The following RCAN2 variants were observed in gnomAD, a reference collection of about 807,000 sequenced individuals.
RCAN2 encodes regulator of calcineurin 2, also known as calcipressin-2.
A neutral mutation model predicts 23.6 loss-of-function variants in RCAN2; 9 were observed. The observed-to-expected ratio is 0.38, with a 90% confidence interval of 0.23 to 0.67. The LOEUF is 0.67. Ranked by LOEUF, RCAN2 falls within the 30% of genes least tolerant of loss-of-function variation. The pLI, the probability that RCAN2 is intolerant of heterozygous loss-of-function variation, is 0.51. For synonymous variants in RCAN2, 109 were observed against 115.7 expected, an observed-to-expected ratio of 0.94 and a Z score of 0.37; for missense variants, 273 against 302.3, an observed-to-expected ratio of 0.90 and a Z score of 0.72.
intron 2 of RCAN2, among the ~76,000 whole-genome samples, chr6:46,429,166 C>A (rs958908894): frequency 2.0e-5 from 3 of 152,046 alleles, no homozygotes; most frequent in African/African-American, 4.8e-5. Flanking sequence ...AGTATAGAAA[C>A]CAGAGTCCTT....
At chr6:46,420,755 C>T (rs1294088343) in intron 2 of RCAN2, among the ~76,000 whole-genome samples, 1 of 151,952 alleles carries the variant, frequency 6.6e-6, no homozygotes, top group Non-Finnish European at 1.5e-5. Flanking sequence ...TCATGTTGGC[C>T]AGGCTGGTCT....
At chr6:46,317,756 C>T (rs970700372) in intron 2 of RCAN2, among the ~76,000 whole-genome samples, 8 of 152,170 alleles carry the variant, frequency 5.3e-5, no homozygotes, top group African/African-American at 1.2e-4. Context: ...TAAGGCACCG[C>T]GCCCGGCCTA....
intron 4 of RCAN2, among the ~76,000 whole-genome samples, chr6:46,229,477 C>CT (rs1171041730): frequency 2.6e-5 from 4 of 151,880 alleles, no homozygotes; most frequent in African/African-American, 9.7e-5. Context: ...TCTTTTTATT[C>CT]TTTTTTCTCT....
At chr6:46,351,475 C>A (rs1764644335) in intron 2 of RCAN2, among the ~76,000 whole-genome samples, 1 of 152,158 alleles carries the variant, frequency 6.6e-6, no homozygotes, top group South Asian at 2.1e-4. Flanking sequence ...GATTGTGTAG[C>A]AGGGATTTGA....
intron 2 of RCAN2, among the ~76,000 whole-genome samples, chr6:46,384,417 A>T (rs1765689815): frequency 6.6e-6 from 1 of 152,252 alleles, no homozygotes; most frequent in African/African-American, 2.4e-5. Context: ...ATCTTTCCGG[A>T]CAAAAAGTAA....
At chr6:46,314,124 G>A (rs1351467695) in intron 2 of RCAN2, among the ~76,000 whole-genome samples, 1 of 152,064 alleles carries the variant, frequency 6.6e-6, no homozygotes, top group African/African-American at 2.4e-5. Flanking sequence ...CAGTTTGGGA[G>A]GCTGAGGTAG....
intron 2 of RCAN2, among the ~76,000 whole-genome samples, chr6:46,304,129 T>C (rs536908747): frequency 4.6e-5 from 7 of 152,302 alleles, no homozygotes; most frequent in Non-Finnish European, 7.4e-5. Flanking sequence ...TTTTTGCTTC[T>C]AGCCACCCTG....
intron 2 of RCAN2, 61 bp from the exon 3 acceptor site, chr6:46,248,957 A>G (rs1321589112): frequency 8.2e-7 from 1 of 1,212,326 alleles, no homozygotes; most frequent in Admixed American, 2.4e-5. Context: ...GTATGATGTC[A>G]TATCTGATAA....
rs575933716 is a variant in RCAN2 at position 46,315,476 on chromosome 6, G to C, written c.226-66580C>G. On this transcript the variant is annotated intron_variant, in intron 2 of 4. Transcript: ENST00000371374. The stretch of plus-strand genomic sequence containing the variant: ...GAGCAAGCCATGTAGGCTCCAGAAG[G>C]AAGAAGATTCCAGGTAGAGGGCACA... Among the ~76,000 whole-genome samples, 7 of 152,192 alleles carry C rather than the reference G, an allele frequency of 4.6e-5. No individual in the cohort carries two copies. In the East Asian group the frequency reaches 9.8e-4, roughly 21 times the overall value.
intron 2 of RCAN2, among the ~76,000 whole-genome samples, chr6:46,281,861 A>C (rs1582061373): frequency 4.1e-4 from 3 of 7,374 alleles, no homozygotes; most frequent in South Asian, 2.6e-3. Flanking sequence ...TAAGGCTTAT[A>C]AGTGGCTAGG....
chr6:46,406,341 A>G (rs1435073041), intron 2 of RCAN2, among the ~76,000 whole-genome samples: 3 of 152,232 alleles, frequency 2.0e-5, no homozygotes, highest in Non-Finnish European at 1.5e-5. Flanking sequence ...AAGGGTCTCC[A>G]TGCATACTCA....
rs1764532962 is a variant in RCAN2 at position 46,347,808 on chromosome 6, CA to C, written c.226-98913del. ...TTGTTCAAAGTGCTCAGGTTTCACC[CA>C]GGGGAAAGTTCAGCTTAAAGATTAT... On this transcript the variant is annotated intron_variant, in intron 2 of 4. Coordinates refer to ENST00000371374, the MANE Select transcript of RCAN2 (RefSeq NM_001251974.2). Among the ~76,000 whole-genome samples, 9 of 152,248 alleles carry C rather than the reference CA, an allele frequency of 5.9e-5. No individual in the cohort carries two copies. The South Asian group carries it at 1.9e-3, about 32-fold the overall frequency.
chr6:46,289,859 G>T (rs1762488875), intron 2 of RCAN2, among the ~76,000 whole-genome samples: 1 of 152,120 alleles, frequency 6.6e-6, no homozygotes, highest in Admixed American at 6.5e-5. Context: ...AGCCTCCTTT[G>T]CAGTTAGGTA....
At chr6:46,301,192 G>A (rs984024621) in intron 2 of RCAN2, among the ~76,000 whole-genome samples, 1 of 151,978 alleles carries the variant, frequency 6.6e-6, no homozygotes, top group African/African-American at 2.4e-5. Flanking sequence ...TAAGAGACAA[G>A]AACAGATGAA....
chr6:46,328,135 C>T (rs1453782135), intron 2 of RCAN2, among the ~76,000 whole-genome samples: 2 of 152,142 alleles, frequency 1.3e-5, no homozygotes, highest in East Asian at 1.9e-4. Context: ...GGAAGCAAAG[C>T]CCTACTTGAA....
rs1356485541 is a variant in RCAN2 at position 46,453,270 on chromosome 6, C to G, written c.225+3482G>C. ...GTTTCATACAAAAATATTTATACTT[C>G]AAGCTGTAGCACGCACACAGCAATC... is the stretch of plus-strand genomic sequence containing the variant. On this transcript the variant is annotated intron_variant, in intron 2 of 4. Coordinates refer to ENST00000371374, the MANE Select transcript of RCAN2 (RefSeq NM_001251974.2). Among the ~76,000 whole-genome samples the G allele has an allele frequency of 2.6e-5, 4 of 152,320 alleles. No homozygotes were observed. In the East Asian group the frequency reaches 5.8e-4, roughly 22 times the overall value.
At position 46,223,029 on chromosome 6, in the gene RCAN2, A is replaced by G; in HGVS notation, c.*112T>C. The G allele has an allele frequency of 9.0e-7, 1 of 1,109,076 alleles. No individual in the cohort carries two copies. Among genetic ancestry groups the G allele is most frequent in the Admixed American group, 2.2e-5 (1 of 46,064 alleles). 68.7% of individuals were successfully genotyped at this position (1,109,076 alleles called of 1,614,324 possible). A position where few individuals can be genotyped will look rare whatever the true frequency, so the allele number is the denominator to read the frequency against. On this transcript the variant is annotated 3_prime_UTR_variant, in exon 5 of 5. Transcript: ENST00000371374. ...CCGAGAGGCTTGATAACAAGGAAGG[A>G]ATCTCAAACAACCAAACACCCAGGA...
chr6:46,310,012 C>A (rs551691497), intron 2 of RCAN2, among the ~76,000 whole-genome samples: 51 of 152,104 alleles, frequency 3.4e-4, no homozygotes, highest in African/African-American at 1.0e-3. Context: ...AAATTTGCAC[C>A]TTTGTCATGG....
intron 2 of RCAN2, among the ~76,000 whole-genome samples, chr6:46,424,750 A>G (rs1766986989): frequency 6.6e-6 from 1 of 152,130 alleles, no homozygotes; most frequent in African/African-American, 2.4e-5. Context: ...CAGAATGGAG[A>G]TAATGTATCT....
Sources: allele counts gnomAD v4.1 joint callset (sites outside exome capture counted in the v4.1 genomes callset), GRCh38; gene constraint gnomAD v4.1.1; transcripts MANE v1.5; gene names NCBI Gene and HGNC (gene_info 2026-07-23, HGNC 2026-07-21).